Variants in MAPKAP1 observed in about 807,000 individuals in gnomAD.
MAPKAP1 encodes the protein target of rapamycin complex 2 subunit MAPKAP1.
In MAPKAP1, 20 loss-of-function variants were observed where a neutral mutation model predicts 65.7. The observed-to-expected ratio is 0.30, with a 90% CI of 0.21 to 0.44. The LOEUF (loss-of-function observed/expected upper bound fraction) is 0.44, where lower values mean the gene tolerates loss of function less well. MAPKAP1 is among the 20% of genes least tolerant of loss of function. MAPKAP1 has a pLI of 1.00. For synonymous variants in MAPKAP1, 222 were observed against 244.3 expected, an observed-to-expected ratio of 0.91 and a Z score of 0.85; for missense variants, 423 against 648.0, an observed-to-expected ratio of 0.65 and a Z score of 3.77.
chr9:125,591,293 C>CCTA (rs1327582499), intron 4 of MAPKAP1, among the ~76,000 whole-genome samples: 1 of 152,148 alleles, frequency 6.6e-6, no homozygotes, highest in East Asian at 1.9e-4. Context: ...TCTTCTTTTC[C>CCTA]CTACAAACCT....
At chr9:125,643,501 T>C (rs1204651827) in intron 4 of MAPKAP1, among the ~76,000 whole-genome samples, 2 of 152,178 alleles carry the variant, frequency 1.3e-5, no homozygotes, top group African/African-American at 4.8e-5. Flanking sequence ...GGCCTATACA[T>C]GCTATTTTTT....
intron 4 of MAPKAP1, among the ~76,000 whole-genome samples, chr9:125,615,594 T>C (rs829312): frequency 0.51 from 73,800 of 145,496 alleles, 18,925 homozygotes; most frequent in East Asian, 0.68. Context: ...AGGTTAAGAA[T>C]ATACAAGACA....
intron 9 of MAPKAP1, among the ~76,000 whole-genome samples, chr9:125,474,323 A>G (rs998180250): frequency 1.3e-5 from 2 of 152,152 alleles, no homozygotes; most frequent in Non-Finnish European, 2.9e-5. Flanking sequence ...ACAACCTCCA[A>G]GAGTTCAATT....
At chr9:125,542,944 T>C in intron 7 of MAPKAP1, 115 bp downstream of exon 7, 1 of 827,970 alleles carries the variant, frequency 1.2e-6, no homozygotes, top group Non-Finnish European at 2.2e-6. Flanking sequence ...TAACCAAACC[T>C]TCTAGCAATG....
intron 10 of MAPKAP1, among the ~76,000 whole-genome samples, chr9:125,461,016 A>AC (rs1853473751): frequency 6.6e-6 from 1 of 152,224 alleles, no homozygotes; most frequent in African/African-American, 2.4e-5. Flanking sequence ...AGTCAATGGG[A>AC]CACACGTTGG....
At chr9:125,564,656 AT>A (rs111851095) in intron 5 of MAPKAP1, among the ~76,000 whole-genome samples, 3,138 of 152,270 alleles carry the variant, frequency 0.021, 35 homozygotes, top group South Asian at 0.041. Flanking sequence ...AAGTAACCAT[AT>A]CTACTGCATA....
chr9:125,666,883 T>C (rs192801853), intron 3 of MAPKAP1, among the ~76,000 whole-genome samples: 3 of 152,298 alleles, frequency 2.0e-5, no homozygotes, highest in Admixed American at 1.3e-4. Context: ...AGACATTCTT[T>C]TGTGCATTGA....
chr9:125,547,546 G>C (rs1056269029), intron 6 of MAPKAP1, among the ~76,000 whole-genome samples: 1 of 152,158 alleles, frequency 6.6e-6, no homozygotes, highest in Non-Finnish European at 1.5e-5. Context: ...ACAGTAAAGG[G>C]AGTCGACGTT....
chr9:125,625,255 T>TTAAAAAA (rs1564589549), intron 4 of MAPKAP1, among the ~76,000 whole-genome samples: 1 of 64,716 alleles, frequency 1.5e-5, no homozygotes, highest in Non-Finnish European at 3.0e-5. Flanking sequence ...AATAAATAAA[T>TTAAAAAA]AAAAAAAAAA....
At chr9:125,442,229 G>A (rs1371455870) in intron 11 of MAPKAP1, among the ~76,000 whole-genome samples, 2 of 151,734 alleles carry the variant, frequency 1.3e-5, no homozygotes, top group Admixed American at 6.6e-5. Flanking sequence ...TCAGGCCTAG[G>A]GTATGCTACA....
At chr9:125,579,839 A>G (rs1335989962) in intron 5 of MAPKAP1, among the ~76,000 whole-genome samples, 1 of 152,250 alleles carries the variant, frequency 6.6e-6, no homozygotes, top group Non-Finnish European at 1.5e-5. Flanking sequence ...GTATTACACC[A>G]AACAAACCTG....
At chr9:125,449,309 G>A (rs1269728572) in intron 10 of MAPKAP1, among the ~76,000 whole-genome samples, 1 of 152,148 alleles carries the variant, frequency 6.6e-6, no homozygotes. Context: ...TCTCTTATAT[G>A]TCACATACAT....
rs1380811153 is a variant in MAPKAP1 at position 125,438,252 on chromosome 9, G to A, written c.*635C>T. The stretch of plus-strand genomic sequence containing the variant: ...TGACACGGCCTTGGACACACCACTA[G>A]GTCTCTGTTCCTAACTTTTAGTAAG... On this transcript the variant is annotated 3_prime_UTR_variant, in exon 12 of 12. Transcript: ENST00000265960. The A allele has an allele frequency of 5.0e-6, 2 of 396,790 alleles. No individual in the cohort carries two copies. Among genetic ancestry groups the A allele is most frequent in the African/African-American group, 4.1e-5 (2 of 48,562 alleles). The allele number at this position is 396,790 out of a possible 1,614,324, so 24.6% of individuals were successfully genotyped here.
At chr9:125,530,555 C>T (rs1829905689) in intron 7 of MAPKAP1, among the ~76,000 whole-genome samples, 1 of 152,172 alleles carries the variant, frequency 6.6e-6, no homozygotes. Context: ...ATTAAATTTG[C>T]AGACATAAGC....
chr9:125,562,826 G>T (rs1830930875), intron 5 of MAPKAP1, among the ~76,000 whole-genome samples: 1 of 152,192 alleles, frequency 6.6e-6, no homozygotes, highest in South Asian at 2.1e-4. Flanking sequence ...TAGGTAGCTT[G>T]CTCAAGATTA....
intron 1 of MAPKAP1, among the ~76,000 whole-genome samples, chr9:125,694,328 CA>C (rs549167983): frequency 2.0e-3 from 271 of 137,056 alleles, no homozygotes; most frequent in Middle Eastern, 0.011. Flanking sequence ...ACTCCATTTC[CA>C]AAAAAAAAAA....
chr9:125,547,358 T>C (rs141158138), intron 6 of MAPKAP1, among the ~76,000 whole-genome samples: 58 of 152,270 alleles, frequency 3.8e-4, no homozygotes, highest in African/African-American at 1.4e-3. Context: ...GGAAAGGGCA[T>C]AGGCTGGGGG....
chr9:125,684,571 C>T (rs1232627380), intron 1 of MAPKAP1, among the ~76,000 whole-genome samples: 5 of 152,068 alleles, frequency 3.3e-5, no homozygotes, highest in Non-Finnish European at 5.9e-5. Context: ...ATGCTTAAAC[C>T]TTCTAAGGGC....
At chr9:125,451,097 T>C (rs936907366) in intron 10 of MAPKAP1, 1 of 152,274 alleles carries the variant, frequency 6.6e-6, no homozygotes, top group Non-Finnish European at 1.5e-5. Flanking sequence ...CTCTCTCTCT[T>C]TGGCTCCTTC....
Sources: gnomAD v4.1 joint callset for allele counts (sites outside exome capture counted in the v4.1 genomes callset) on GRCh38, gnomAD v4.1.1 for gene constraint, MANE v1.5 for transcripts, NCBI Gene and HGNC (gene_info 2026-07-23, HGNC 2026-07-21) for gene names.